Variants in DNAJC5B observed in about 807,000 individuals in gnomAD.
DNAJC5B encodes the protein DnaJ heat shock protein family (Hsp40) member C5 beta.
A neutral mutation model predicts 24.7 loss-of-function variants in DNAJC5B; 23 were observed. That is an observed-to-expected ratio of 0.93 (90% CI 0.67 to 1.32). DNAJC5B has a LOEUF of 1.32. Among genes scored for constraint, DNAJC5B ranks in the 40% most tolerant of loss-of-function variants. DNAJC5B has a pLI of 0.00. For missense variants in DNAJC5B, 238 were observed against 240.8 expected (o/e 0.99, Z 0.08); for synonymous variants, 101 against 90.1 (o/e 1.12, Z -0.68).
In DNAJC5B at chr8:66,101,052, A is replaced by C. The variant is rs1413562354; in HGVS notation, c.*1021A>C. 2.0e-5 allele frequency among the ~76,000 whole-genome samples: 3 copies of C among 152,068 alleles called. No individual in the cohort carries two copies. Among genetic ancestry groups the C allele is most frequent in the African/African-American group, 7.2e-5 (3 of 41,384 alleles). On this transcript the variant is annotated 3_prime_UTR_variant, in exon 6 of 6. Coordinates refer to ENST00000276570, the MANE Select transcript of DNAJC5B (RefSeq NM_033105.6). ...GTGTTCGTTTTTCTAGCTCTTTCTT[A>C]CTTTTTTATATAATATTGCATTTTC... is the stretch of plus-strand genomic sequence containing the variant.
chr8:66,082,772 T>C (rs989285614), intron 5 of DNAJC5B, among the ~76,000 whole-genome samples: 1 of 152,212 alleles, frequency 6.6e-6, no homozygotes, highest in Admixed American at 6.5e-5. Flanking sequence ...ACAAAATTGA[T>C]CTGAAAGTGA....
intron 1 of DNAJC5B, among the ~76,000 whole-genome samples, chr8:66,022,724 C>A (rs910631444): frequency 3.3e-5 from 5 of 152,150 alleles, no homozygotes; most frequent in Admixed American, 6.5e-5. Flanking sequence ...TAGTAATAGT[C>A]CCCAAAGCAT....
Position 66,042,827 on chromosome 8 carries a change from T to C in DNAJC5B, c.-141-661T>C, listed in dbSNP as rs149380938. 9.1e-4 allele frequency among the ~76,000 whole-genome samples: 138 copies of C among 151,350 alleles called. 1 individual carries two copies. In the East Asian group the frequency reaches 0.017, roughly 19 times the overall value. On this transcript the variant is annotated intron_variant, in intron 1 of 5. Transcript: ENST00000276570. ...TATCTAAAAAACTCTCAACTAGAGG[T>C]GAGAGTGCTCTGAATCATTCACACA...
chr8:66,046,934 A>G (rs1806734660), intron 2 of DNAJC5B, among the ~76,000 whole-genome samples: 1 of 152,254 alleles, frequency 6.6e-6, no homozygotes, highest in African/African-American at 2.4e-5. Context: ...CTATCCTTGG[A>G]TGAAGACCAC....
intron 1 of DNAJC5B, among the ~76,000 whole-genome samples, chr8:66,026,956 A>G (rs1435911883): frequency 6.6e-6 from 1 of 152,214 alleles, no homozygotes; most frequent in Non-Finnish European, 1.5e-5. Flanking sequence ...GTATAAATAT[A>G]TGGGGTACAA....
At chr8:66,093,686 C>T (rs1807893581) in intron 5 of DNAJC5B, among the ~76,000 whole-genome samples, 1 of 152,048 alleles carries the variant, frequency 6.6e-6, no homozygotes, top group South Asian at 2.1e-4. Flanking sequence ...GTGTTTTACT[C>T]TTTATGGCAT....
chr8:66,036,964 C>T (rs997381634), intron 1 of DNAJC5B, among the ~76,000 whole-genome samples: 2 of 152,188 alleles, frequency 1.3e-5, no homozygotes, highest in Admixed American at 1.3e-4. Flanking sequence ...GTCGGTTCTG[C>T]GGCAGGGCTG....
rs1300653121 is a variant in DNAJC5B at position 66,080,552 on chromosome 8, G to A, written c.505+4G>A. On this transcript the variant is annotated splice_donor_region_variant and intron_variant, in intron 5 of 5. Coordinates refer to ENST00000276570, the MANE Select transcript of DNAJC5B (RefSeq NM_033105.6). ...ATCAAGTCTGACATGGAAAAAGGTG[G>A]GGTAGGATGAGAGCAGAGGTAGTGA... 12 of 1,600,136 alleles carry A rather than the reference G, an allele frequency of 7.5e-6. No individual in the cohort carries two copies. Among genetic ancestry groups the A allele is most frequent in the Non-Finnish European group, 1.0e-5 (12 of 1,173,066 alleles).
intron 2 of DNAJC5B, among the ~76,000 whole-genome samples, chr8:66,049,472 C>T (rs978752644): frequency 2.0e-5 from 3 of 152,102 alleles, no homozygotes; most frequent in Admixed American, 6.6e-5. Flanking sequence ...GTTAAAAAGT[C>T]GCCTACAATA....
chr8:66,070,527 A>G (rs1312655516), intron 3 of DNAJC5B, among the ~76,000 whole-genome samples: 1 of 152,222 alleles, frequency 6.6e-6, no homozygotes, highest in Non-Finnish European at 1.5e-5. Context: ...AAGGAGAACT[A>G]CAAACCACTG....
chr8:66,057,567 G>C (rs933221691), intron 3 of DNAJC5B: 4 of 152,146 alleles, frequency 2.6e-5, no homozygotes, highest in Admixed American at 2.6e-4. Context: ...GAAACCTACA[G>C]ATTCAAGAGG....
intron 5 of DNAJC5B, among the ~76,000 whole-genome samples, chr8:66,096,337 A>G (rs1807952599): frequency 6.6e-6 from 1 of 152,164 alleles, no homozygotes; most frequent in Non-Finnish European, 1.5e-5. Flanking sequence ...TCACATTGTA[A>G]GGTACTAGGA....
chr8:66,072,261 C>T (rs1157432523), intron 3 of DNAJC5B, among the ~76,000 whole-genome samples: 2 of 151,812 alleles, frequency 1.3e-5, no homozygotes, highest in African/African-American at 4.8e-5. Context: ...AAACACATGG[C>T]CTAAAATATA....
the DNAJC5B span, among the ~76,000 whole-genome samples, chr8:66,015,478 G>A: frequency 6.6e-6 from 1 of 152,080 alleles, no homozygotes; most frequent in African/African-American, 2.4e-5. Flanking sequence ...GCGGCTTGGG[G>A]TTCAGGGAGG....
chr8:66,053,565 CTTTT>C (rs970843316), intron 3 of DNAJC5B, among the ~76,000 whole-genome samples: 1 of 149,650 alleles, frequency 6.7e-6, no homozygotes, highest in African/African-American at 2.5e-5. Flanking sequence ...TCCTTCTAGT[CTTTT>C]TTTTTCTATC....
chr8:66,022,219 G>A (rs1806145299), intron 1 of DNAJC5B, among the ~76,000 whole-genome samples: 1 of 152,196 alleles, frequency 6.6e-6, no homozygotes, highest in Non-Finnish European at 1.5e-5. Flanking sequence ...AGCAACTCCT[G>A]CCAGTGAAAT....
intron 3 of DNAJC5B, among the ~76,000 whole-genome samples, chr8:66,059,246 T>TA (rs1807030122): frequency 6.6e-6 from 1 of 152,232 alleles, no homozygotes; most frequent in Non-Finnish European, 1.5e-5. Flanking sequence ...TTGCATGAGA[T>TA]AAGCAAATAT....
chr8:66,047,103 G>A (rs1285014140), intron 2 of DNAJC5B, among the ~76,000 whole-genome samples: 1 of 152,210 alleles, frequency 6.6e-6, no homozygotes, highest in African/African-American at 2.4e-5. Flanking sequence ...TCTCTTCCTT[G>A]AGGAAGACTT....
At chr8:66,041,029 A>ACTG (rs10642965) in intron 1 of DNAJC5B, among the ~76,000 whole-genome samples, 71,386 of 151,794 alleles carry the variant, frequency 0.47, 20,667 homozygotes, top group African/African-American at 0.83. Flanking sequence ...CATCTTAGAT[A>ACTG]GAGTGGTAGT....
Sources: gnomAD v4.1 joint callset for allele counts (sites outside exome capture counted in the v4.1 genomes callset) on GRCh38, gnomAD v4.1.1 for gene constraint, MANE v1.5 for transcripts, NCBI Gene and HGNC (gene_info 2026-07-23, HGNC 2026-07-21) for gene names.